GAS7: variants seen among roughly 807,000 people sequenced by gnomAD.
GAS7 encodes growth arrest specific 7, also known as growth arrest-specific protein 7.
GAS7 carries 28 observed loss-of-function variants against 71.1 expected under a neutral mutation model. That is an observed-to-expected ratio of 0.39 (90% CI 0.29 to 0.54). GAS7 has a LOEUF of 0.54. Among genes scored for constraint, GAS7 ranks in the 20% least tolerant of loss-of-function variants. GAS7 has a pLI of 0.62. For missense variants in GAS7, 436 were observed against 627.8 expected (o/e 0.69, Z 3.27); for synonymous variants, 258 against 245.8 (o/e 1.05, Z -0.46).
At chr17:9,976,796 AT>A (rs747890043) in intron 3 of GAS7, among the ~76,000 whole-genome samples, 5 of 152,244 alleles carry the variant, frequency 3.3e-5, no homozygotes, top group African/African-American at 4.8e-5. Flanking sequence ...ACCTCAAAAA[AT>A]AATAGATTTC....
chr17:9,961,587 T>C (rs568616859), intron 4 of GAS7, among the ~76,000 whole-genome samples: 21 of 152,292 alleles, frequency 1.4e-4, no homozygotes, highest in Non-Finnish European at 2.4e-4. Context: ...CTATGGATGC[T>C]GATGATGTTG....
At chr17:10,081,415 A>G (rs1002543486) in intron 1 of GAS7, among the ~76,000 whole-genome samples, 2 of 152,190 alleles carry the variant, frequency 1.3e-5, no homozygotes, top group African/African-American at 2.4e-5. Flanking sequence ...CGGCCTCCCA[A>G]AGTGCTGGGA....
intron 1 of GAS7, among the ~76,000 whole-genome samples, chr17:10,053,619 G>C (rs953592457): frequency 1.3e-5 from 2 of 152,082 alleles, no homozygotes; most frequent in African/African-American, 4.8e-5. Flanking sequence ...CATCGATGTG[G>C]CATCTGTGGA....
At chr17:10,002,583 C>T (rs567183527) in intron 2 of GAS7, among the ~76,000 whole-genome samples, 6 of 152,112 alleles carry the variant, frequency 3.9e-5, no homozygotes, top group East Asian at 1.9e-4. Flanking sequence ...ACAACAGGCC[C>T]GGGTGTGTGA....
intron 3 of GAS7, among the ~76,000 whole-genome samples, chr17:9,970,030 A>G (rs1386562324): frequency 6.6e-6 from 1 of 152,194 alleles, no homozygotes; most frequent in Non-Finnish European, 1.5e-5. Context: ...AATGTGCCTA[A>G]CAGGAGGGGA....
At chr17:10,143,978 C>G (rs2074103072) in intron 1 of GAS7, among the ~76,000 whole-genome samples, 1 of 152,228 alleles carries the variant, frequency 6.6e-6, no homozygotes, top group South Asian at 2.1e-4. Context: ...CATTCCCCAC[C>G]TAGCCCAGAG....
intron 1 of GAS7, among the ~76,000 whole-genome samples, chr17:10,176,303 G>T (rs531338943): frequency 6.6e-6 from 1 of 152,266 alleles, no homozygotes; most frequent in South Asian, 2.1e-4. Context: ...AGAGGTGAGG[G>T]GTTAGACCAA....
chr17:10,038,582 G>T (rs868225409), intron 1 of GAS7, among the ~76,000 whole-genome samples: 5 of 152,136 alleles, frequency 3.3e-5, no homozygotes, highest in Admixed American at 1.3e-4. Context: ...CTGAAGGGAG[G>T]GTCTTGCTGC....
intron 1 of GAS7, among the ~76,000 whole-genome samples, chr17:10,163,721 C>G (rs2074272842): frequency 1.3e-5 from 2 of 152,072 alleles, no homozygotes; most frequent in African/African-American, 2.4e-5. Flanking sequence ...ATTCTCCCAG[C>G]AAGCCCCCAA....
At chr17:10,057,628 TG>T (rs2073162392) in intron 1 of GAS7, among the ~76,000 whole-genome samples, 2 of 142,770 alleles carry the variant, frequency 1.4e-5, no homozygotes, top group Non-Finnish European at 3.0e-5. Context: ...GGGAGGGAGG[TG>T]GGGAGCAGCC....
rs1381579407 is a variant in GAS7 at position 10,019,791 on chromosome 17, T to C, written c.290A>G (p.Asn97Ser). The stretch of plus-strand genomic sequence containing the variant: ...GCGGGACTCACCATTGGTGGTCGTG[T>C]TGACATAGTACCGCCGGCCCTGAGG... ...LSPQGRRYYV[N>S]TTTNETTWER... The change falls in exon 2 of 14, where the codon AAC becomes AGC. Residue 97 changes from asparagine (N) to serine (S), a missense_variant. Transcript: ENST00000432992. 6.2e-7 allele frequency: 1 copy of C among 1,613,780 alleles called. No individual in the cohort carries two copies. The highest frequency in any genetic ancestry group is 1.3e-5 in the African/African-American group (1 of 74,920).
chr17:10,091,106 T>C (rs761246055), intron 1 of GAS7, among the ~76,000 whole-genome samples: 27 of 152,142 alleles, frequency 1.8e-4, no homozygotes, highest in Non-Finnish European at 3.5e-4. Flanking sequence ...CCTGCTTTTA[T>C]TGTGGCCATG....
chr17:9,977,861 A>G (rs2070266885), intron 3 of GAS7, among the ~76,000 whole-genome samples: 1 of 152,188 alleles, frequency 6.6e-6, no homozygotes, highest in Non-Finnish European at 1.5e-5. Context: ...AATAAGAATG[A>G]ACCAGCTCTG....
intron 1 of GAS7, among the ~76,000 whole-genome samples, chr17:10,116,732 T>C (rs2073864634): frequency 6.6e-6 from 1 of 152,162 alleles, no homozygotes; most frequent in African/African-American, 2.4e-5. Context: ...ACACCTCTTA[T>C]ACACCAGACG....
At chr17:10,037,331 A>C (rs1157233858) in intron 1 of GAS7, among the ~76,000 whole-genome samples, 1 of 151,942 alleles carries the variant, frequency 6.6e-6, no homozygotes, top group Non-Finnish European at 1.5e-5. Flanking sequence ...ATATCCTATC[A>C]CTCCGTTTAG....
intron 1 of GAS7, among the ~76,000 whole-genome samples, chr17:10,104,844 G>A (rs898438348): frequency 2.0e-5 from 3 of 152,066 alleles, no homozygotes; most frequent in Admixed American, 1.3e-4. Flanking sequence ...TGATCTTCTT[G>A]TTCCACTTTT....
At chr17:9,951,555 G>A in intron 5 of GAS7, among the ~76,000 whole-genome samples, 1 of 152,136 alleles carries the variant, frequency 6.6e-6, no homozygotes, top group Non-Finnish European at 1.5e-5. Context: ...TCGGGAGTTG[G>A]AGACCAGCCT....
intron 1 of GAS7, among the ~76,000 whole-genome samples, chr17:10,029,365 T>C (rs2072553616): frequency 6.6e-6 from 1 of 152,130 alleles, no homozygotes; most frequent in South Asian, 2.1e-4. Flanking sequence ...TTCAACTGCC[T>C]GAAAGAGCAA....
At chr17:10,133,114 A>ATATATATATATATATATT (rs1567605014) in intron 1 of GAS7, among the ~76,000 whole-genome samples, 3 of 122,936 alleles carry the variant, frequency 2.4e-5, no homozygotes, top group African/African-American at 9.1e-5. Context: ...TAGATTATAT[A>ATATATATATATATATATT]TTTTTATATT....
Sources: allele counts gnomAD v4.1 joint callset (sites outside exome capture counted in the v4.1 genomes callset), GRCh38; gene constraint gnomAD v4.1.1; transcripts MANE v1.5; gene names NCBI Gene and HGNC (gene_info 2026-07-23, HGNC 2026-07-21).